The following FNIP1 variants were observed in gnomAD, a reference collection of about 807,000 sequenced individuals.
FNIP1 encodes folliculin interacting protein 1.
Under a neutral mutation model 124.5 loss-of-function variants are expected in FNIP1, and 40 were observed. The ratio of observed to expected loss-of-function variants is 0.32; its 90% CI spans 0.25 to 0.42. FNIP1 has a LOEUF of 0.42. Among genes scored for constraint, FNIP1 ranks in the 10% least tolerant of loss-of-function variants. The pLI, the probability that FNIP1 is intolerant of heterozygous loss-of-function variation, is 1.00. For missense variants in FNIP1, 1,176 were observed against 1,403.7 expected (o/e 0.84, Z 2.59); for synonymous variants, 472 against 470.6 (o/e 1.00, Z -0.04).
intron 1 of FNIP1, among the ~76,000 whole-genome samples, chr5:131,763,947 G>C (rs932254982): frequency 3.3e-5 from 5 of 152,150 alleles, no homozygotes; most frequent in African/African-American, 1.2e-4. Flanking sequence ...CAGTATTGGA[G>C]ATGGAGCCTG....
intron 1 of FNIP1, among the ~76,000 whole-genome samples, chr5:131,751,230 T>A (rs985987260): frequency 6.6e-6 from 1 of 152,102 alleles, no homozygotes; most frequent in African/African-American, 2.4e-5. Flanking sequence ...ATATTCTCAC[T>A]CTCCTGGCAA....
At chr5:131,713,794 G>A (rs934705476) in intron 6 of FNIP1, among the ~76,000 whole-genome samples, 3 of 152,122 alleles carry the variant, frequency 2.0e-5, no homozygotes, top group Non-Finnish European at 4.4e-5. Context: ...TCCACTCTAT[G>A]TCCCTTAGCG....
At chr5:131,708,066 T>TA (rs1014154810) in intron 8 of FNIP1, among the ~76,000 whole-genome samples, 4 of 152,148 alleles carry the variant, frequency 2.6e-5, no homozygotes, top group Admixed American at 2.0e-4. Context: ...CTACTCTTAT[T>TA]AGAGTAGTGG....
At chr5:131,707,028 C>T (rs1769136671) in intron 8 of FNIP1, among the ~76,000 whole-genome samples, 1 of 152,190 alleles carries the variant, frequency 6.6e-6, no homozygotes, top group Non-Finnish European at 1.5e-5. Flanking sequence ...AAACCTACCA[C>T]TTTTAATTAA....
chr5:131,664,961 CTTGTGTATTTATCTGTGTAAATA>C (rs1767552118), intron 15 of FNIP1, among the ~76,000 whole-genome samples: 1 of 150,944 alleles, frequency 6.6e-6, no homozygotes, highest in South Asian at 2.1e-4. Flanking sequence ...AAATGATATG[CTTGTGTATTTATCTGTGTAAATA>C]TTGTGTATTT....
intron 1 of FNIP1, among the ~76,000 whole-genome samples, chr5:131,794,049 G>A (rs983638638): frequency 6.6e-6 from 1 of 151,352 alleles, no homozygotes; most frequent in African/African-American, 2.4e-5. Flanking sequence ...GTAAATTTTG[G>A]CCAGGCATGG....
chr5:131,730,131 T>C (rs1239065654), intron 3 of FNIP1, among the ~76,000 whole-genome samples: 1 of 152,196 alleles, frequency 6.6e-6, no homozygotes, highest in Admixed American at 6.5e-5. Context: ...AGGACTATTA[T>C]GGATTTGTTA....
At chr5:131,716,784 A>G in intron 5 of FNIP1, 128 bp from the exon 6 acceptor site, 1 of 563,780 alleles carries the variant, frequency 1.8e-6, no homozygotes, top group East Asian at 3.0e-5. Context: ...ATTAACTAAC[A>G]TAATCATTTA....
intron 1 of FNIP1, among the ~76,000 whole-genome samples, chr5:131,758,556 T>C (rs767245405): frequency 1.1e-4 from 17 of 152,234 alleles, no homozygotes; most frequent in Non-Finnish European, 2.4e-4. Context: ...TAATTACTAT[T>C]AAGCAATTGT....
At chr5:131,729,971 C>A (rs892860336) in intron 3 of FNIP1, among the ~76,000 whole-genome samples, 2 of 151,460 alleles carry the variant, frequency 1.3e-5, no homozygotes, top group African/African-American at 2.4e-5. Flanking sequence ...GAACTCCTGA[C>A]CTCAGGTGAT....
intron 11 of FNIP1, among the ~76,000 whole-genome samples, chr5:131,694,724 T>G (rs1441835657): frequency 1.3e-5 from 2 of 152,150 alleles, no homozygotes; most frequent in Admixed American, 6.6e-5. Flanking sequence ...CAGAGTGAAC[T>G]TTAATGTAAA....
At chr5:131,721,697 C>G (rs78054759) in intron 3 of FNIP1, among the ~76,000 whole-genome samples, 18,308 of 152,180 alleles carry the variant, frequency 0.12, 1,408 homozygotes, top group Middle Eastern at 0.18. Context: ...ACGCGGGAGG[C>G]TGAGGCAGGA....
chr5:131,649,909 T>C (rs879391269), intron 16 of FNIP1, among the ~76,000 whole-genome samples: 1 of 152,246 alleles, frequency 6.6e-6, no homozygotes, highest in Non-Finnish European at 1.5e-5. Flanking sequence ...TTGGCACTTT[T>C]GTTGAAAATC....
chr5:131,680,576 G>A (rs1210610857), intron 11 of FNIP1, among the ~76,000 whole-genome samples: 1 of 152,054 alleles, frequency 6.6e-6, no homozygotes, highest in African/African-American at 2.4e-5. Context: ...GGCCCCAAAT[G>A]AACACCACCT....
At position 131,719,057 on chromosome 5, in the gene FNIP1, G is replaced by A. The variant is rs61738669; in HGVS notation, c.459C>T (p.Ser153=). 5,673 of 1,613,250 alleles carry A rather than the reference G, an allele frequency of 3.5e-3. 116 individuals are homozygous for A. In the African/African-American group the frequency reaches 0.053, roughly 15 times the overall value. ...CTTTGCTGAGCATGAGCTGTGGAGG[G>A]GAACTATGAAGAAAAAGAGAAAGAG... ...GSTLKIHQIR[S]PPQLMLSKVF... is the part of the protein sequence containing the mutation. Residue 153 remains serine, a synonymous_variant, in exon 5 of 18, where the codon TCC becomes TCT. Transcript: ENST00000510461.
At chr5:131,733,127 G>C (rs1770156630) in intron 2 of FNIP1, among the ~76,000 whole-genome samples, 1 of 152,046 alleles carries the variant, frequency 6.6e-6, no homozygotes, top group Non-Finnish European at 1.5e-5. Context: ...TTGGCTCTCT[G>C]TTTGTCTGTT....
rs1034473146 is a variant in FNIP1 at position 131,776,553 on chromosome 5, C to A, written c.92+20277G>T. Among the ~76,000 whole-genome samples, 35 of 152,198 alleles carry A rather than the reference C, an allele frequency of 2.3e-4. 1 individual carries two copies. On this transcript the variant is annotated intron_variant, in intron 1 of 17. Coordinates refer to ENST00000510461, the MANE Select transcript of FNIP1 (RefSeq NM_133372.3). ...CTTCACATAACAAAATACTAAACAG[C>A]AGCAACTGCTACATGTGGCAATATG...
intron 1 of FNIP1, among the ~76,000 whole-genome samples, chr5:131,770,193 C>G (rs918521102): frequency 6.6e-6 from 1 of 152,220 alleles, no homozygotes; most frequent in African/African-American, 2.4e-5. Context: ...AGTTGAAAAG[C>G]AGGCCCTAAT....
Position 131,671,851 on chromosome 5 carries a change from A to T in FNIP1, c.2593T>A (p.Cys865Ser). Residue 865 changes from cysteine (C) to serine (S), a missense_variant, in exon 14 of 18, where the codon TGT becomes AGT. Physicochemically the swap from Cys to Ser is moderately radical, Grantham distance 112. Around this residue, in one of 2 missense-constraint regions of FNIP1, gnomAD observed 1,109 missense variants for 1,288.5 expected, o/e 0.86. Coordinates refer to ENST00000510461, the MANE Select transcript of FNIP1 (RefSeq NM_133372.3). ...KTSTDSKDHC[C>S]MLEFSKILCT... ...AATATTTTTGAAAACTCTAACATAC[A>T]GCAATGGTCTTTACTATCTGTACTT... is the stretch of plus-strand genomic sequence containing the variant. 1 of 1,614,074 alleles carries T rather than the reference A, an allele frequency of 6.2e-7. No homozygotes were observed. The highest frequency in any genetic ancestry group is 8.5e-7 in the Non-Finnish European group (1 of 1,179,996).
Sources: gnomAD v4.1 joint callset for allele counts (sites outside exome capture counted in the v4.1 genomes callset) on GRCh38, gnomAD v4.1.1 for gene constraint, gnomAD v4.1.1 regional missense constraint, MANE v1.5 for transcripts, NCBI Gene and HGNC (gene_info 2026-07-23, HGNC 2026-07-21) for gene names.